Variants in ZNF512B observed in about 807,000 individuals in gnomAD.
ZNF512B encodes the protein zinc finger protein 512B.
Under a neutral mutation model 87.8 loss-of-function variants are expected in ZNF512B, and 22 were observed. The ratio of observed to expected loss-of-function variants is 0.25; its 90% confidence interval spans 0.18 to 0.36. The LOEUF (loss-of-function observed/expected upper bound fraction) is 0.36, where lower values mean the gene tolerates loss of function less well. ZNF512B is among the 10% of genes least tolerant of loss of function. ZNF512B has a pLI of 1.00. For missense variants in ZNF512B, 1,060 were observed against 1,231.6 expected (o/e 0.86, Z 2.09); for synonymous variants, 524 against 490.9 (o/e 1.07, Z -0.89).
chr20:63,969,465 G>A (rs2058958793), intron 1 of ZNF512B, among the ~76,000 whole-genome samples: 1 of 151,412 alleles, frequency 6.6e-6, no homozygotes, highest in African/African-American at 2.4e-5. Context: ...CAGGCCTGGC[G>A]CGCGGGTGAG....
rs2058928065 is a variant in ZNF512B at position 63,966,458 on chromosome 20, A to T, written c.717T>A (p.Pro239=). The part of the protein sequence containing the change: ...PVTRPVPVTK[P]VTVSRPMPVT... ...CGGGCATGGGCCTGCTGACTGTGAC[A>T]GGTTTGGTGACTGGCACGGGCCTAG... The change falls in exon 5 of 17, where the codon CCT becomes CCA. Residue 239 remains proline, a synonymous_variant. Transcript: ENST00000369888. 6.2e-7 allele frequency: 1 copy of T among 1,613,782 alleles called. No individual in the cohort carries two copies. Among genetic ancestry groups the T allele is most frequent in the Non-Finnish European group, 8.5e-7 (1 of 1,179,954 alleles).
At chr20:63,962,991 C>G in intron 12 of ZNF512B, 104 bp downstream of exon 12, 1 of 1,390,212 alleles carries the variant, frequency 7.2e-7, no homozygotes, top group Non-Finnish European at 9.5e-7. Flanking sequence ...GGGAAACACA[C>G]GCGTTGGGCG....
At chr20:63,968,030 C>A in intron 1 of ZNF512B, 78 bp from the exon 2 acceptor site, 2 of 1,532,236 alleles carry the variant, frequency 1.3e-6, no homozygotes, top group South Asian at 2.4e-5. Context: ...TGGAGCCCTG[C>A]CCTTGGCAGG....
chr20:63,967,560 T>G, intron 2 of ZNF512B, 37 bp from the exon 3 acceptor site: 1 of 1,550,720 alleles, frequency 6.4e-7, no homozygotes, highest in Non-Finnish European at 8.7e-7. Context: ...GGAAGCTGTG[T>G]AGCACCGCCT....
rs563031033 is a variant in ZNF512B, at chr20:63,961,613, G to A, written c.2329-206C>T. ...GGGTAGGGAGAGGCAGGTGCCCAGG[G>A]GAAGAGTTGCAGACCTTTGCCGAGC... On this transcript the variant is annotated intron_variant, in intron 15 of 16. Transcript: ENST00000369888. This position sits in a 1 kb window ranked among gnomAD's most constrained non-coding sequence, Gnocchi z 6.4. Among the ~76,000 whole-genome samples the A allele has an allele frequency of 4.6e-5, 7 of 152,288 alleles. No individual in the cohort carries two copies. In the South Asian group the frequency reaches 1.0e-3, roughly 23 times the overall value.
chr20:63,959,982 G>C lies in ZNF512B; in HGVS notation c.2585C>G (p.Pro862Arg). The C allele has an allele frequency of 6.2e-7, 1 of 1,612,668 alleles. No individual in the cohort carries two copies. The highest frequency in any genetic ancestry group is 1.6e-4 in the Middle Eastern group (1 of 6,062). The change falls in exon 17 of 17, where the codon CCG (proline) becomes CGG (arginine). Residue 862 changes from proline (P) to arginine (R), a missense_variant. Transcript: ENST00000369888. The part of the protein sequence containing the change: ...TPEEPVAKLP[P>R]RRDDWPPGCR... ...TCCTGGAGGCCAGTCGTCCCGGCGC[G>C]GGGGCAGCTTGGCCACAGGCTCCTC...
chr20:63,962,506 T>C, intron 13 of ZNF512B, 81 bp downstream of exon 13: 1 of 1,555,372 alleles, frequency 6.4e-7, no homozygotes, highest in Non-Finnish European at 8.7e-7. Flanking sequence ...GTCACAGCAG[T>C]GGCTGTCCCA....
intron 13 of ZNF512B, 28 bp from the exon 14 acceptor site, chr20:63,962,402 C>A: frequency 6.3e-7 from 1 of 1,598,674 alleles, no homozygotes; most frequent in Admixed American, 1.7e-5. Flanking sequence ...CCAGGGTGAG[C>A]CTGAGGCCAG....
rs2058860716 is a variant in ZNF512B at position 63,962,243 on chromosome 20, C to G, written c.2265+30G>C. 3.2e-6 allele frequency: 5 copies of G among 1,578,248 alleles called. No homozygotes were observed. The East Asian group carries it at 8.9e-5, about 28-fold the overall frequency. On this transcript the variant is annotated intron_variant, in intron 14 of 16. Transcript: ENST00000369888. ...CAGGCTCTGGCCCTGTATGGCTCCCCACGCCCCCCACCCGGCTGCCTCCGC... is the reference window on the plus strand; with the variant it reads ...CAGGCTCTGGCCCTGTATGGCTCCCGACGCCCCCCACCCGGCTGCCTCCGC...
At chr20:63,962,113 G>A in intron 14 of ZNF512B, 109 bp from the exon 15 acceptor site, 1 of 1,373,958 alleles carries the variant, frequency 7.3e-7, no homozygotes, top group Non-Finnish European at 1.0e-6. Context: ...CAAGTGAGGG[G>A]GTGTGAGTCC....
Position 63,963,273 on chromosome 20 carries a change from T to TCCACCTCG in ZNF512B, c.1798-9_1798-8insCGAGGTGG. On this transcript the variant is annotated splice_polypyrimidine_tract_variant and intron_variant, in intron 11 of 16. Coordinates refer to ENST00000369888, the MANE Select transcript of ZNF512B (RefSeq NM_020713.3). Reference sequence around the variant, plus strand: ...GAAGGCAGCCCCGCAACCCTGGGGGTCAGGCCAGAGGGTGGGTGAGTGGCC... The same window carrying TCCACCTCG: ...GAAGGCAGCCCCGCAACCCTGGGGGTCCACCTCGCAGGCCAGAGGGTGGGTGAGTGGCC... The TCCACCTCG allele has an allele frequency of 6.5e-7, 1 of 1,542,688 alleles. No homozygotes were observed. The highest frequency in any genetic ancestry group is 8.7e-7 in the Non-Finnish European group (1 of 1,147,824).
rs768248779 is a variant in ZNF512B, at chr20:63,964,453, C to A, written c.1261+37G>T. The A allele has an allele frequency of 3.1e-6, 5 of 1,613,412 alleles. No individual in the cohort carries two copies. In the South Asian group the frequency reaches 3.3e-5, roughly 11 times the overall value. ...GTGAAATAACCGTCAGGAGGCCGAG[C>A]CTGCCCCGGCCGCCACCCCTGGAGC... On this transcript the variant is annotated intron_variant, in intron 6 of 16. Transcript: ENST00000369888.
At chr20:63,968,127 G>C (rs984238954) in intron 1 of ZNF512B, among the ~76,000 whole-genome samples, 175 bp from the exon 2 acceptor site, 2 of 152,190 alleles carry the variant, frequency 1.3e-5, no homozygotes, top group African/African-American at 2.4e-5. Context: ...TGACTTAGGG[G>C]AGGGGCTGCC....
Position 63,962,795 on chromosome 20 carries a change from A to G in ZNF512B, c.1969-14T>C. 1 of 1,585,278 alleles carries G rather than the reference A, an allele frequency of 6.3e-7. No individual in the cohort carries two copies. The highest frequency in any genetic ancestry group is 8.6e-7 in the Non-Finnish European group (1 of 1,165,410). On this transcript the variant is annotated splice_polypyrimidine_tract_variant and intron_variant, in intron 12 of 16. Coordinates refer to ENST00000369888, the MANE Select transcript of ZNF512B (RefSeq NM_020713.3). Reference sequence around the variant, plus strand: ...CTCCTCAGGGGGCTGGAGGGCAGGAAGGCATGGAGGCTAGAGTGAGCCGCG... The same window carrying G: ...CTCCTCAGGGGGCTGGAGGGCAGGAGGGCATGGAGGCTAGAGTGAGCCGCG...
intron 3 of ZNF512B, 45 bp downstream of exon 3, chr20:63,967,336 G>GAA (rs1569200070): frequency 6.5e-7 from 1 of 1,546,670 alleles, no homozygotes; most frequent in Non-Finnish European, 8.7e-7. Context: ...TGGCTGGATA[G>GAA]GGAGACCCCA....
Position 63,964,673 on chromosome 20 carries a change from C to G in ZNF512B, c.1078G>C (p.Ala360Pro), listed in dbSNP as rs1217507690. 6.2e-7 allele frequency: 1 copy of G among 1,612,066 alleles called. No individual in the cohort carries two copies. Among genetic ancestry groups the G allele is most frequent in the Non-Finnish European group, 8.5e-7 (1 of 1,179,984 alleles). ...CCGTACTCCCCATTCTCTGGCCTGGCCTGCTTGGGTGGAATTGGGCAGGTG... is the reference window on the plus strand; with the variant it reads ...CCGTACTCCCCATTCTCTGGCCTGGGCTGCTTGGGTGGAATTGGGCAGGTG... ...LDTCPIPPKQ[A>P]RPENGEYGPS... The change falls in exon 6 of 17, where the codon GCC (alanine) becomes CCC (proline). Residue 360 changes from alanine (A) to proline (P), a missense_variant. Around this residue, in one of 9 missense-constraint regions of ZNF512B, gnomAD observed 212 missense variants for 207.6 expected, o/e 1.02. Transcript: ENST00000369888.
rs1032317572 is a variant in ZNF512B, at chr20:63,957,036, CCCAGACCCGGGCCTGGGGGA to C, written c.*2832_*2851del. On this transcript the variant is annotated 3_prime_UTR_variant, in exon 17 of 17. Coordinates refer to ENST00000369888, the MANE Select transcript of ZNF512B (RefSeq NM_020713.3). ...CGCGAGGCAGGGGAAAGCCTGGGGCCCCAGACCCGGGCCTGGGGGAGCCGCCTGGGGCCCCGCCAAACGCG... is the reference window on the plus strand; with the variant it reads ...CGCGAGGCAGGGGAAAGCCTGGGGCCGCCGCCTGGGGCCCCGCCAAACGCG... 7 of 152,450 alleles carry C rather than the reference CCCAGACCCGGGCCTGGGGGA, an allele frequency of 4.6e-5. No individual in the cohort carries two copies. In the East Asian group the frequency reaches 1.2e-3, roughly 25 times the overall value. 9.4% of individuals were successfully genotyped at this position (152,450 alleles called of 1,614,324 possible).
chr20:63,969,594 T>C (rs1198001865), intron 1 of ZNF512B, among the ~76,000 whole-genome samples: 1 of 88,852 alleles, frequency 1.1e-5, no homozygotes, highest in African/African-American at 4.4e-5. Context: ...GGGCGCGGGG[T>C]GGGGGGGCGA....
In ZNF512B at chr20:63,961,367, G is replaced by A. The variant is rs750224329; in HGVS notation, c.2369C>T (p.Pro790Leu). The change falls in exon 16 of 17, where the codon CCG (proline) becomes CTG (leucine). Residue 790 changes from proline (P) to leucine (L), a missense_variant. By Grantham distance (98) the Pro-to-Leu change is moderately conservative (BLOSUM62 -3). Coordinates refer to ENST00000369888, the MANE Select transcript of ZNF512B (RefSeq NM_020713.3). This position sits in a 1 kb window ranked among gnomAD's most constrained non-coding sequence, Gnocchi z 6.4. ...LAGKYRCLLC[P>L]KEFSSESGVK... ...GCCACTCTCAGAACTGAACTCCTTC[G>A]GACACAGCAGACAGCGGTACTTCCC... 2.0e-5 allele frequency: 33 copies of A among 1,612,556 alleles called. No individual in the cohort carries two copies. Among genetic ancestry groups the A allele is most frequent in the Admixed American group, 1.5e-4 (9 of 60,006 alleles).
Sources: allele counts gnomAD v4.1 joint callset (sites outside exome capture counted in the v4.1 genomes callset), GRCh38; gene constraint gnomAD v4.1.1; regional missense constraint gnomAD v4.1.1; non-coding constraint Gnocchi (gnomAD v3.1); transcripts MANE v1.5; gene names NCBI Gene and HGNC (gene_info 2026-07-23, HGNC 2026-07-21).